Variants in ANKRD28 observed in about 807,000 individuals in gnomAD.
ANKRD28 encodes ankyrin repeat domain 28, also known as serine/threonine-protein phosphatase 6 regulatory ankyrin repeat subunit A.
Under a neutral mutation model 126.5 loss-of-function variants are expected in ANKRD28, and 44 were observed. That is an observed-to-expected ratio of 0.35 (90% CI 0.27 to 0.45). The LOEUF is 0.45. ANKRD28 is among the 20% of genes least tolerant of loss of function. ANKRD28 has a pLI of 1.00. For missense variants in ANKRD28, 1,110 were observed against 1,316.6 expected (o/e 0.84, Z 2.43); for synonymous variants, 442 against 468.5 (o/e 0.94, Z 0.73).
intron 4 of ANKRD28, among the ~76,000 whole-genome samples, chr3:15,740,620 T>C (rs1252066322): frequency 6.6e-6 from 1 of 152,304 alleles, no homozygotes; most frequent in African/African-American, 2.4e-5. Flanking sequence ...CACAGAATAC[T>C]AGAGATGTCA....
At chr3:15,709,200 G>A (rs1011510815) in intron 13 of ANKRD28, among the ~76,000 whole-genome samples, 1 of 152,114 alleles carries the variant, frequency 6.6e-6, no homozygotes, top group Non-Finnish European at 1.5e-5. Flanking sequence ...TATAGAAGAG[G>A]AGAAAGAAAA....
At chr3:15,748,747 G>T (rs963539193) in intron 4 of ANKRD28, among the ~76,000 whole-genome samples, 6 of 152,246 alleles carry the variant, frequency 3.9e-5, no homozygotes, top group Middle Eastern at 3.4e-3. Context: ...TCTCTTGCAA[G>T]GCTGGGAAAG....
intron 6 of ANKRD28, among the ~76,000 whole-genome samples, chr3:15,726,610 T>C (rs1423159474): frequency 3.3e-5 from 5 of 152,194 alleles, no homozygotes; most frequent in Non-Finnish European, 7.3e-5. Context: ...GTAACAAAAG[T>C]GCAATGTGAA....
intron 2 of ANKRD28, among the ~76,000 whole-genome samples, chr3:15,767,899 A>C (rs2058824635): frequency 6.7e-6 from 1 of 149,222 alleles, no homozygotes; most frequent in South Asian, 2.1e-4. Flanking sequence ...AAAACAAAAC[A>C]AAACAAAACA....
At chr3:15,779,763 T>C (rs540693839) in intron 2 of ANKRD28, among the ~76,000 whole-genome samples, 2 of 152,354 alleles carry the variant, frequency 1.3e-5, no homozygotes, top group Admixed American at 1.3e-4. Flanking sequence ...TATTAATTCA[T>C]GTTGTAATCT....
chr3:15,727,231 T>C (rs910340167), intron 6 of ANKRD28, among the ~76,000 whole-genome samples: 3 of 152,086 alleles, frequency 2.0e-5, no homozygotes, highest in Non-Finnish European at 4.4e-5. Context: ...TAGTGATTCC[T>C]CAAAGTAAAT....
chr3:15,807,630 C>G (rs541005289), intron 1 of ANKRD28, among the ~76,000 whole-genome samples: 1 of 152,224 alleles, frequency 6.6e-6, no homozygotes, highest in East Asian at 1.9e-4. Context: ...CAGACTACCA[C>G]TAGAGCAATG....
intron 26 of ANKRD28, 98 bp downstream of exon 26, chr3:15,676,876 A>C: frequency 1.0e-6 from 1 of 962,064 alleles, no homozygotes; most frequent in East Asian, 2.5e-5. Flanking sequence ...TCTATGACTA[A>C]TGAAACCTAT....
intron 3 of ANKRD28, among the ~76,000 whole-genome samples, chr3:15,755,856 A>C (rs186111105): frequency 8.8e-4 from 134 of 152,310 alleles, no homozygotes; most frequent in African/African-American, 3.1e-3. Context: ...AAAGAATATA[A>C]AACAGCAGTC....
chr3:15,733,722 A>C (rs2074818771), intron 6 of ANKRD28, among the ~76,000 whole-genome samples: 2 of 152,198 alleles, frequency 1.3e-5, no homozygotes, highest in South Asian at 2.1e-4. Flanking sequence ...TTTTATTGGT[A>C]ATGAGAGTGG....
At chr3:15,703,386 C>T (rs2070898403) in intron 14 of ANKRD28, among the ~76,000 whole-genome samples, 1 of 152,204 alleles carries the variant, frequency 6.6e-6, no homozygotes, top group Non-Finnish European at 1.5e-5. Flanking sequence ...AAATTCCAAC[C>T]TCAAGGTGAT....
intron 17 of ANKRD28, among the ~76,000 whole-genome samples, chr3:15,690,433 A>T (rs1386286821): frequency 6.6e-6 from 1 of 152,262 alleles, no homozygotes; most frequent in Non-Finnish European, 1.5e-5. Flanking sequence ...CATTCTAAAA[A>T]TAATACAAGT....
At chr3:15,678,033 T>A (rs1333332024) in intron 24 of ANKRD28, among the ~76,000 whole-genome samples, 176 bp downstream of exon 24, 1 of 152,140 alleles carries the variant, frequency 6.6e-6, no homozygotes, top group African/African-American at 2.4e-5. Context: ...TCCTCAATAG[T>A]CAGGGCAAAC....
chr3:15,820,242 T>C (rs115573635), intron 1 of ANKRD28, among the ~76,000 whole-genome samples: 1 of 152,318 alleles, frequency 6.6e-6, no homozygotes, highest in Non-Finnish European at 1.5e-5. Context: ...TATATGCATA[T>C]ATATCAACCT....
At position 15,817,283 on chromosome 3, in the gene ANKRD28, T is replaced by A. The variant is rs1007952295; in HGVS notation, c.28-21977A>T. Among the ~76,000 whole-genome samples, 1 of 152,104 alleles carries A rather than the reference T, an allele frequency of 6.6e-6. No individual in the cohort carries two copies. Among genetic ancestry groups the A allele is most frequent in the Non-Finnish European group, 1.5e-5 (1 of 68,000 alleles). On this transcript the variant is annotated intron_variant, in intron 1 of 27. Transcript: ENST00000399451. This position sits in a 1 kb window ranked among gnomAD's most constrained non-coding sequence, Gnocchi z 4.5. ...ACCATGGTTTTTTTTTCCTTGTTATTTTGTTTTTGTCCCAACTAGATAGAA... is the reference window on the plus strand; with the variant it reads ...ACCATGGTTTTTTTTTCCTTGTTATATTGTTTTTGTCCCAACTAGATAGAA...
chr3:15,787,732 A>G (rs923691169), intron 2 of ANKRD28, among the ~76,000 whole-genome samples: 1 of 152,182 alleles, frequency 6.6e-6, no homozygotes, highest in African/African-American at 2.4e-5. Flanking sequence ...CAGAAGCAAC[A>G]TGTGGCCACT....
intron 16 of ANKRD28, 119 bp downstream of exon 16, chr3:15,695,069 G>T: frequency 3.5e-6 from 3 of 857,140 alleles, no homozygotes; most frequent in Non-Finnish European, 5.7e-6. Context: ...TTCTGTCACC[G>T]TCTTTGTGCC....
At chr3:15,847,259 G>A (rs2061550065) in intron 1 of ANKRD28, among the ~76,000 whole-genome samples, 1 of 152,156 alleles carries the variant, frequency 6.6e-6, no homozygotes, top group African/African-American at 2.4e-5. Context: ...ACTAAAAAGT[G>A]ATGAAAAAAT....
At chr3:15,751,663 T>C (rs1193376810) in intron 4 of ANKRD28, 87 bp downstream of exon 4, 2 of 925,722 alleles carry the variant, frequency 2.2e-6, no homozygotes, top group Middle Eastern at 2.3e-4. Context: ...TTCCTTCTTT[T>C]GAAAACATAG....
Sources: allele counts gnomAD v4.1 joint callset (sites outside exome capture counted in the v4.1 genomes callset), GRCh38; gene constraint gnomAD v4.1.1; non-coding constraint Gnocchi (gnomAD v3.1); transcripts MANE v1.5; gene names NCBI Gene and HGNC (gene_info 2026-07-23, HGNC 2026-07-21).